SLC24A5: variants seen among roughly 807,000 people sequenced by gnomAD.
SLC24A5 encodes solute carrier family 24 member 5.
SLC24A5 carries 46 observed loss-of-function variants against 51.6 expected under a neutral mutation model. That is an observed-to-expected ratio of 0.89 (90% CI 0.70 to 1.14). The LOEUF is 1.14. Ranked by LOEUF, SLC24A5 falls within the 50% of genes most tolerant of loss-of-function variation. The probability of loss-of-function intolerance (pLI) is 0.00; values close to 1 mark genes in which losing one functional copy is unlikely to be tolerated. For missense variants in SLC24A5, 581 were observed against 604.1 expected (o/e 0.96, Z 0.40); for synonymous variants, 230 against 214.9 (o/e 1.07, Z -0.62).
intron 7 of SLC24A5, 54 bp from the exon 8 acceptor site, chr15:48,141,059 A>G (rs1250034771): frequency 2.1e-6 from 3 of 1,401,352 alleles, no homozygotes; most frequent in East Asian, 4.6e-5. Flanking sequence ...ATAACTGCAA[A>G]GGATGGTTAG....
chr15:48,134,857 T>C, intron 4 of SLC24A5, 27 bp from the exon 5 acceptor site: 1 of 1,512,178 alleles, frequency 6.6e-7, no homozygotes, highest in Non-Finnish European at 9.1e-7. Flanking sequence ...TACAATGTAA[T>C]GGAAATAATA....
intron 1 of SLC24A5, 91 bp from the exon 2 acceptor site, chr15:48,121,766 C>T (rs2038681416): frequency 3.1e-6 from 4 of 1,306,206 alleles, no homozygotes; most frequent in Non-Finnish European, 4.3e-6. Context: ...CCCGGTTACC[C>T]CACACTTACA....
chr15:48,121,307 A>G (rs2038676889), intron 1 of SLC24A5, 142 bp downstream of exon 1: 2 of 906,432 alleles, frequency 2.2e-6, no homozygotes, highest in Non-Finnish European at 3.2e-6. Context: ...TTAAAAAGAT[A>G]TCAAACACTT....
Position 48,141,168 on chromosome 15 carries a change from A to C in SLC24A5, c.1134A>C (p.Gly378=). The C allele has an allele frequency of 6.2e-7, 1 of 1,614,012 alleles. No homozygotes were observed. The change falls in exon 8 of 9, where the codon GGA becomes GGC. Residue 378 remains glycine (G), a synonymous_variant. Transcript: ENST00000341459. ...TGGGCCTTACTTTATTAGCAGCAGG[A>C]ACAAGCATACCAGACACAATTGCAA... The part of the protein sequence containing the change: ...TVMGLTLLAA[G]TSIPDTIASV...
intron 4 of SLC24A5, 154 bp from the exon 5 acceptor site, chr15:48,134,730 T>A (rs1166079846): frequency 5.4e-6 from 4 of 743,486 alleles, no homozygotes; most frequent in Non-Finnish European, 8.6e-6. Flanking sequence ...AAAGTCTGTG[T>A]AAGTTAGAAC....
chr15:48,121,227 C>G (rs2038676236), intron 1 of SLC24A5, 62 bp downstream of exon 1: 3 of 1,518,272 alleles, frequency 2.0e-6, no homozygotes, highest in Non-Finnish European at 2.6e-6. Context: ...CTACCACATA[C>G]AGATGAAGGG....
intron 2 of SLC24A5, among the ~76,000 whole-genome samples, chr15:48,125,237 A>G (rs115729825): frequency 0.044 from 6,667 of 150,460 alleles, 499 homozygotes; most frequent in African/African-American, 0.15. Flanking sequence ...ATAAAATTAT[A>G]GATGAAAGAT....
intron 2 of SLC24A5, among the ~76,000 whole-genome samples, chr15:48,130,537 T>C (rs2038779179): frequency 6.6e-6 from 1 of 152,156 alleles, no homozygotes; most frequent in Non-Finnish European, 1.5e-5. Context: ...AGTTTTCTAA[T>C]GAAGCATTCT....
At chr15:48,122,432 C>A in intron 2 of SLC24A5, 2 of 277,830 alleles carry the variant, frequency 7.2e-6, no homozygotes, top group Non-Finnish European at 6.7e-6. Context: ...ACTCTAAGCT[C>A]GCTATAACTT....
rs376222930 is a variant in SLC24A5, at chr15:48,139,044, C to T, written c.947C>T (p.Thr316Ile). The T allele has an allele frequency of 1.5e-5, 24 of 1,613,024 alleles. No homozygotes were observed. In the African/African-American group the frequency reaches 2.5e-4, roughly 17 times the overall value. ...IFWVLSLPII[T>I]LLFLTTPDCR... ...TGGGTATTATCCCTTCCTATTATTA[C>T]ATTACTTTTTCTAACCACACCAGAT... Residue 316 changes from threonine (T) to isoleucine (I), a missense_variant, in exon 7 of 9, where the codon ACA becomes ATA. By Grantham distance (89) the Thr-to-Ile change is moderately conservative. Transcript: ENST00000341459.
chr15:48,124,478 C>A (rs2038711081), intron 2 of SLC24A5: 1 of 151,860 alleles, frequency 6.6e-6, no homozygotes, highest in Non-Finnish European at 1.5e-5. Flanking sequence ...AAATGTTAAT[C>A]ATATAAAACA....
chr15:48,139,361 T>C (rs1307276739), intron 7 of SLC24A5, 186 bp downstream of exon 7: 3 of 495,706 alleles, frequency 6.1e-6, no homozygotes, highest in East Asian at 3.0e-5. Context: ...TTGCATATTA[T>C]ATATAAACTG....
Position 48,121,898 on chromosome 15 carries a change from C to A in SLC24A5, c.163C>A (p.Pro55Thr). ...TGTTATTTCTCCATCATCGGAGTTT[C>A]CCGAAGGGTTTTTCACGAGACAGGA... is the stretch of plus-strand genomic sequence containing the variant. ...QCVISPSSEF[P>T]EGFFTRQERR... The change falls in exon 2 of 9, where the codon CCC (proline) becomes ACC (threonine). Residue 55 changes from proline to threonine, a missense_variant. By Grantham distance (38) the Pro-to-Thr change is conservative (BLOSUM62 -1). Transcript: ENST00000341459. 1 of 1,614,170 alleles carries A rather than the reference C, an allele frequency of 6.2e-7. No homozygotes were observed. Among genetic ancestry groups the A allele is most frequent in the Non-Finnish European group, 8.5e-7 (1 of 1,180,016 alleles).
In SLC24A5 at chr15:48,142,393, G is replaced by C; in HGVS notation, c.*42G>C. The C allele has an allele frequency of 7.8e-7, 1 of 1,287,514 alleles. No individual in the cohort carries two copies. Among genetic ancestry groups the C allele is most frequent in the African/African-American group, 1.5e-5 (1 of 67,278 alleles). The allele number at this position is 1,287,514 out of a possible 1,614,324, so 79.8% of individuals were successfully genotyped here. On this transcript the variant is annotated 3_prime_UTR_variant, in exon 9 of 9. Transcript: ENST00000341459. Reference sequence around the variant, plus strand: ...ATGCAGAAAATATGAATGGCAGGGAGGGGCAGAGAGAAAAATCCATTTCTT... The same window carrying C: ...ATGCAGAAAATATGAATGGCAGGGACGGGCAGAGAGAAAAATCCATTTCTT...
intron 2 of SLC24A5, among the ~76,000 whole-genome samples, chr15:48,125,567 T>C (rs2038722815): frequency 6.6e-6 from 1 of 152,142 alleles, no homozygotes; most frequent in Non-Finnish European, 1.5e-5. Context: ...TACAAGAAAT[T>C]TTCCTCTCGA....
At chr15:48,127,274 G>A (rs1286362533) in intron 2 of SLC24A5, among the ~76,000 whole-genome samples, 1 of 152,136 alleles carries the variant, frequency 6.6e-6, no homozygotes, top group African/African-American at 2.4e-5. Flanking sequence ...TGTTACATAA[G>A]AACAGACTAC....
chr15:48,122,036 TG>T lies in SLC24A5; in HGVS notation c.301+1del. 6.2e-7 allele frequency: 1 copy of T among 1,614,158 alleles called. No homozygotes were observed. Reference sequence around the variant, plus strand: ...ACCCTCCCTGGAAATCATCAGTGAATGTAAGTGGCTGGAAAGTTGCCCTGTA... The same window carrying T: ...ACCCTCCCTGGAAATCATCAGTGAATTAAGTGGCTGGAAAGTTGCCCTGTA... On this transcript the variant is annotated splice_donor_variant, in intron 2 of 8. Transcript: ENST00000341459. LOFTEE classifies it high-confidence loss of function.
At position 48,136,926 on chromosome 15, in the gene SLC24A5, C is replaced by G; in HGVS notation, c.834C>G (p.Leu278=). ...IFYEDSGYSQ[L]SISLHGLSQV... ...ATGAAGATTCTGGCTACTCTCAGCTCTCTATAAGTTTACATGGCCTTAGTC... is the reference window on the plus strand; with the variant it reads ...ATGAAGATTCTGGCTACTCTCAGCTGTCTATAAGTTTACATGGCCTTAGTC... Residue 278 remains leucine (L), a synonymous_variant, in exon 6 of 9, where the codon CTC becomes CTG. Coordinates refer to ENST00000341459, the MANE Select transcript of SLC24A5 (RefSeq NM_205850.3). The G allele has an allele frequency of 6.2e-7, 1 of 1,613,566 alleles. No homozygotes were observed. Among genetic ancestry groups the G allele is most frequent in the Non-Finnish European group, 8.5e-7 (1 of 1,179,608 alleles).
intron 6 of SLC24A5, chr15:48,138,388 T>TGA (rs1303506783): frequency 6.6e-6 from 1 of 152,086 alleles, no homozygotes; most frequent in Non-Finnish European, 1.5e-5. Flanking sequence ...TACTACCTCC[T>TGA]ACTTTAAGGT....
Sources: gnomAD v4.1 joint callset for allele counts (sites outside exome capture counted in the v4.1 genomes callset) on GRCh38, gnomAD v4.1.1 for gene constraint, MANE v1.5 for transcripts, NCBI Gene and HGNC (gene_info 2026-07-23, HGNC 2026-07-21) for gene names.